Variants in LHFPL3 observed in about 807,000 individuals in gnomAD.
LHFPL3 encodes LHFPL tetraspan subfamily member 3.
A neutral mutation model predicts 19.3 loss-of-function variants in LHFPL3; 5 were observed. That is an observed-to-expected ratio of 0.26 (90% CI 0.14 to 0.54). The LOEUF (loss-of-function observed/expected upper bound fraction) is 0.54. Ranked by LOEUF, LHFPL3 falls within the 20% of genes least tolerant of loss-of-function variation. The probability of loss-of-function intolerance (pLI) is 0.94; values close to 1 mark genes in which losing one functional copy is unlikely to be tolerated. For synonymous variants in LHFPL3, 133 were observed against 126.2 expected (o/e 1.05, Z -0.36); for missense variants, 249 against 307.4 (o/e 0.81, Z 1.42).
At chr7:104,592,016 C>T (rs934943131) in intron 1 of LHFPL3, among the ~76,000 whole-genome samples, 1 of 152,120 alleles carries the variant, frequency 6.6e-6, no homozygotes, top group Non-Finnish European at 1.5e-5. Context: ...AGCCATTCGT[C>T]TAATCTTTTT....
At chr7:104,756,059 G>T (rs1794279737) in intron 2 of LHFPL3, among the ~76,000 whole-genome samples, 1 of 152,098 alleles carries the variant, frequency 6.6e-6, no homozygotes, top group Non-Finnish European at 1.5e-5. Flanking sequence ...GGGGCCAGGG[G>T]TTGGGATGGG....
chr7:104,844,375 G>A (rs1242485484), intron 2 of LHFPL3, among the ~76,000 whole-genome samples: 1 of 152,204 alleles, frequency 6.6e-6, no homozygotes, highest in Non-Finnish European at 1.5e-5. Context: ...AGGCTTTGGA[G>A]TTCTAATTGA....
chr7:104,434,989 A>T (rs886620307), intron 1 of LHFPL3, among the ~76,000 whole-genome samples: 2 of 152,120 alleles, frequency 1.3e-5, no homozygotes. Flanking sequence ...GGGTTTATTA[A>T]GTGTTTTGTT....
intron 1 of LHFPL3, among the ~76,000 whole-genome samples, chr7:104,546,266 T>A (rs1475934824): frequency 1.3e-5 from 2 of 152,194 alleles, no homozygotes; most frequent in African/African-American, 4.8e-5. Context: ...AATACCTCAC[T>A]TGTAGTTTGT....
chr7:104,660,148 C>T (rs1221469944), intron 1 of LHFPL3, among the ~76,000 whole-genome samples: 4 of 152,068 alleles, frequency 2.6e-5, no homozygotes, highest in Admixed American at 1.3e-4. Flanking sequence ...ACTACAGGTG[C>T]GTGCCACCAC....
chr7:104,548,378 A>T (rs537153952), intron 1 of LHFPL3, among the ~76,000 whole-genome samples: 8 of 152,262 alleles, frequency 5.3e-5, no homozygotes, highest in South Asian at 4.2e-4. Context: ...ATTGATTTTT[A>T]AAATTGGGGA....
At chr7:104,729,175 T>G (rs1456139718) in intron 1 of LHFPL3, among the ~76,000 whole-genome samples, 1 of 152,114 alleles carries the variant, frequency 6.6e-6, no homozygotes, top group East Asian at 1.9e-4. Flanking sequence ...AAATGGAGAA[T>G]AGAATAGAAA....
At chr7:104,394,516 A>G (rs1791143692) in intron 1 of LHFPL3, among the ~76,000 whole-genome samples, 1 of 152,134 alleles carries the variant, frequency 6.6e-6, no homozygotes, top group African/African-American at 2.4e-5. Context: ...AGCATGTTTT[A>G]TTTATTTTAG....
chr7:104,418,162 C>T (rs1791661834), intron 1 of LHFPL3, among the ~76,000 whole-genome samples: 1 of 152,140 alleles, frequency 6.6e-6, no homozygotes, highest in African/African-American at 2.4e-5. Context: ...AGGTGTGAGC[C>T]ATGGCACCCG....
intron 1 of LHFPL3, among the ~76,000 whole-genome samples, chr7:104,564,478 A>G (rs191776095): frequency 6.6e-6 from 1 of 152,234 alleles, no homozygotes; most frequent in East Asian, 1.9e-4. Flanking sequence ...AAAGCTGGTT[A>G]TTGCAAAGGA....
chr7:104,455,514 A>G (rs1463069192), intron 1 of LHFPL3, among the ~76,000 whole-genome samples: 2 of 152,206 alleles, frequency 1.3e-5, no homozygotes, highest in East Asian at 1.9e-4. Context: ...TGAGGTCAAG[A>G]GTTTGAAACT....
chr7:104,441,774 C>T (rs1346936538), intron 1 of LHFPL3, among the ~76,000 whole-genome samples: 2 of 152,092 alleles, frequency 1.3e-5, no homozygotes, highest in Non-Finnish European at 2.9e-5. Flanking sequence ...TGGGGTTTTA[C>T]TATGTTGGCC....
At chr7:104,478,930 A>G (rs1793076964) in intron 1 of LHFPL3, among the ~76,000 whole-genome samples, 1 of 152,178 alleles carries the variant, frequency 6.6e-6, no homozygotes. Flanking sequence ...ATCTGGCTAA[A>G]ATAGTCTTTA....
intron 1 of LHFPL3, among the ~76,000 whole-genome samples, chr7:104,556,883 A>G (rs1172499166): frequency 6.6e-6 from 1 of 152,180 alleles, no homozygotes; most frequent in African/African-American, 2.4e-5. Context: ...GATACCCTAA[A>G]TCATCTTTCT....
rs1313502860 is a variant in LHFPL3, at chr7:104,626,526, T to G, written c.446-110149T>G. 3.3e-5 allele frequency among the ~76,000 whole-genome samples: 5 copies of G among 152,234 alleles called. No homozygotes were observed. In the South Asian group the frequency reaches 1.0e-3, roughly 32 times the overall value. ...CATGCAGTTTGGGGTATTTGACATA[T>G]GGATGCTGGACATTGTGAGGACACA... On this transcript the variant is annotated intron_variant, in intron 1 of 2. Transcript: ENST00000424859.
intron 2 of LHFPL3, among the ~76,000 whole-genome samples, chr7:104,864,514 C>T (rs1246705929): frequency 6.6e-6 from 1 of 152,230 alleles, no homozygotes. Context: ...GTGCCTCGCT[C>T]ATTGCTAGCA....
intron 2 of LHFPL3, among the ~76,000 whole-genome samples, chr7:104,806,169 C>T (rs1790358630): frequency 6.6e-6 from 1 of 152,066 alleles, no homozygotes; most frequent in African/African-American, 2.4e-5. Flanking sequence ...TGGAGGGAAG[C>T]TCACTCATCT....
chr7:104,810,235 G>C (rs1790439021), intron 2 of LHFPL3, among the ~76,000 whole-genome samples: 1 of 152,208 alleles, frequency 6.6e-6, no homozygotes, highest in South Asian at 2.1e-4. Context: ...GATGGGCTCT[G>C]TGGGCCCCGG....
At chr7:104,565,188 T>C (rs1027183469) in intron 1 of LHFPL3, among the ~76,000 whole-genome samples, 34 of 152,220 alleles carry the variant, frequency 2.2e-4, no homozygotes, top group African/African-American at 7.7e-4. Context: ...TTCAAACATA[T>C]AAGATGACAG....
Sources: gnomAD v4.1 joint callset for allele counts (sites outside exome capture counted in the v4.1 genomes callset) on GRCh38, gnomAD v4.1.1 for gene constraint, MANE v1.5 for transcripts, NCBI Gene and HGNC (gene_info 2026-07-23, HGNC 2026-07-21) for gene names.